WWOX: variants seen among roughly 807,000 people sequenced by gnomAD.
The protein encoded by WWOX is WW domain-containing oxidoreductase.
Under a neutral mutation model 46.2 loss-of-function variants are expected in WWOX, and 69 were observed. The observed-to-expected ratio is 1.49, with a 90% confidence interval of 1.23 to 1.82. The LOEUF is 1.82. Among genes scored for constraint, WWOX ranks in the 40% most tolerant of loss-of-function variants. WWOX has a pLI of 0.00. For missense variants in WWOX, 919 were observed against 542.6 expected, an observed-to-expected ratio of 1.69 and a Z score of -6.89; for synonymous variants, 359 against 202.6, an observed-to-expected ratio of 1.77 and a Z score of -6.56.
intron 8 of WWOX, among the ~76,000 whole-genome samples, chr16:78,623,891 T>C (rs908920358): frequency 1.3e-5 from 2 of 152,190 alleles, no homozygotes; most frequent in Admixed American, 6.5e-5. Flanking sequence ...TTGTATAGAA[T>C]AAAATATCAT....
intron 4 of WWOX, among the ~76,000 whole-genome samples, chr16:78,130,613 T>G (rs949619955): frequency 6.6e-6 from 1 of 152,222 alleles, no homozygotes; most frequent in Non-Finnish European, 1.5e-5. Flanking sequence ...TTTTCCATGG[T>G]CAGTTTACCT....
intron 5 of WWOX, among the ~76,000 whole-genome samples, chr16:78,189,014 G>A (rs1026878777): frequency 6.6e-6 from 1 of 152,154 alleles, no homozygotes; most frequent in East Asian, 1.9e-4. Context: ...ATTTGGAGGT[G>A]CAGGCAGAGT....
chr16:78,904,437 G>C (rs796820897), intron 8 of WWOX, among the ~76,000 whole-genome samples: 1 of 151,794 alleles, frequency 6.6e-6, no homozygotes, highest in African/African-American at 2.4e-5. Context: ...TGGGGTTTCA[G>C]CATGTTGGCC....
intron 4 of WWOX, among the ~76,000 whole-genome samples, chr16:78,143,888 C>T (rs956962618): frequency 6.6e-6 from 1 of 151,406 alleles, no homozygotes; most frequent in Non-Finnish European, 1.5e-5. Context: ...CAGCTCACTT[C>T]ACGTTTCGGA....
chr16:78,675,364 T>C, intron 8 of WWOX, among the ~76,000 whole-genome samples: 1 of 152,218 alleles, frequency 6.6e-6, no homozygotes, highest in East Asian at 1.9e-4. Flanking sequence ...ATCGTTCATC[T>C]ACATAAATAA....
At chr16:78,995,384 A>G (rs1424559494) in intron 8 of WWOX, among the ~76,000 whole-genome samples, 1 of 152,082 alleles carries the variant, frequency 6.6e-6, no homozygotes, top group East Asian at 1.9e-4. Flanking sequence ...TCTTTGGGGT[A>G]GGACATGGAA....
chr16:78,946,142 A>G (rs1292223970), intron 8 of WWOX, among the ~76,000 whole-genome samples: 1 of 152,120 alleles, frequency 6.6e-6, no homozygotes, highest in Non-Finnish European at 1.5e-5. Context: ...TTCCCCCTAC[A>G]AGAATGCCGA....
chr16:79,031,847 A>G (rs1024379120), intron 8 of WWOX, among the ~76,000 whole-genome samples: 4 of 138,242 alleles, frequency 2.9e-5, no homozygotes, highest in African/African-American at 1.1e-4. Flanking sequence ...ATATCTTATT[A>G]TATATTATAT....
At chr16:78,943,194 AT>A (rs113521936) in intron 8 of WWOX, among the ~76,000 whole-genome samples, 2,802 of 152,230 alleles carry the variant, frequency 0.018, 97 homozygotes, top group African/African-American at 0.064. Context: ...TGTACATTTC[AT>A]TTTGCACTTT....
chr16:78,502,924 G>A (rs1023424958), intron 8 of WWOX, among the ~76,000 whole-genome samples: 12 of 152,180 alleles, frequency 7.9e-5, no homozygotes, highest in South Asian at 4.2e-4. Flanking sequence ...TGCTTCCAGC[G>A]ATAGCAAGGA....
At chr16:79,105,499 C>G (rs897895418) in intron 8 of WWOX, among the ~76,000 whole-genome samples, 1 of 152,044 alleles carries the variant, frequency 6.6e-6, no homozygotes, top group Non-Finnish European at 1.5e-5. Context: ...TACCTATACC[C>G]ATATCAATAT....
At chr16:78,913,240 C>T (rs770180440) in intron 8 of WWOX, among the ~76,000 whole-genome samples, 1 of 151,946 alleles carries the variant, frequency 6.6e-6, no homozygotes, top group African/African-American at 2.4e-5. Flanking sequence ...ACAAGTTTGC[C>T]TAGTGCTTCA....
chr16:79,068,209 G>A (rs1216521584), intron 8 of WWOX, among the ~76,000 whole-genome samples: 1 of 152,168 alleles, frequency 6.6e-6, no homozygotes, highest in Non-Finnish European at 1.5e-5. Context: ...TATAAAAATA[G>A]TAGCAACGGT....
rs1287789083 is a variant in WWOX at position 78,516,235 on chromosome 16, C to G, written c.1056+83483C>G. ...TTCTCTGAGCTCTTCCATCCTTAAA[C>G]AGACATCTATGCCAAATGCAGGGAG... On this transcript the variant is annotated intron_variant, in intron 8 of 8. Coordinates refer to ENST00000566780, the MANE Select transcript of WWOX (RefSeq NM_016373.4). Among the ~76,000 whole-genome samples the G allele has an allele frequency of 2.6e-5, 4 of 152,150 alleles. No homozygotes were observed. In the East Asian group the frequency reaches 7.7e-4, roughly 29 times the overall value.
At chr16:78,544,370 T>C (rs1178584674) in intron 8 of WWOX, among the ~76,000 whole-genome samples, 1 of 152,152 alleles carries the variant, frequency 6.6e-6, no homozygotes, top group Non-Finnish European at 1.5e-5. Flanking sequence ...TTGCATTCTT[T>C]ATTTAATCTT....
intron 8 of WWOX, among the ~76,000 whole-genome samples, chr16:79,113,347 T>C (rs2049452442): frequency 6.6e-6 from 1 of 152,194 alleles, no homozygotes; most frequent in South Asian, 2.1e-4. Context: ...CTCTGAGTTA[T>C]GCCCCATCAG....
chr16:78,693,327 C>A (rs907785678), intron 8 of WWOX, among the ~76,000 whole-genome samples: 5 of 152,164 alleles, frequency 3.3e-5, no homozygotes, highest in African/African-American at 1.2e-4. Context: ...CTCTGCATAT[C>A]TCAGAGGAAT....
intron 4 of WWOX, among the ~76,000 whole-genome samples, chr16:78,121,401 T>C (rs1007431163): frequency 6.6e-6 from 1 of 152,164 alleles, no homozygotes; most frequent in Non-Finnish European, 1.5e-5. Flanking sequence ...TATATAAAAA[T>C]TGAGAATTAG....
In WWOX at chr16:78,100,172, A is replaced by G. The variant is rs2031667630; in HGVS notation, c.107+287A>G. The G allele has an allele frequency of 1.1e-5, 14 of 1,275,262 alleles. No homozygotes were observed. In the South Asian group the frequency reaches 1.8e-4, roughly 16 times the overall value. The allele number at this position is 1,275,262 out of a possible 1,614,324, so 79.0% of individuals were successfully genotyped here. A position where few individuals can be genotyped will look rare whatever the true frequency, so the allele number is the denominator to read the frequency against. Reference sequence around the variant, plus strand: ...AGGGCAAAGCGGCCTCATCCCCGCCAAAAAATAAAGATGTTTTAAAAAGCG... The same window carrying G: ...AGGGCAAAGCGGCCTCATCCCCGCCGAAAAATAAAGATGTTTTAAAAAGCG... On this transcript the variant is annotated intron_variant, in intron 1 of 8. Transcript: ENST00000566780.
Sources: gnomAD v4.1 joint callset for allele counts (sites outside exome capture counted in the v4.1 genomes callset) on GRCh38, gnomAD v4.1.1 for gene constraint, MANE v1.5 for transcripts, NCBI Gene and HGNC (gene_info 2026-07-23, HGNC 2026-07-21) for gene names.